RANBP2: variants seen among roughly 807,000 people sequenced by gnomAD.
RANBP2 encodes the protein E3 SUMO-protein ligase RanBP2.
A neutral mutation model predicts 303.6 loss-of-function variants in RANBP2; 57 were observed. The ratio of observed to expected loss-of-function variants is 0.19; its 90% CI spans 0.15 to 0.23. The LOEUF (loss-of-function observed/expected upper bound fraction) is 0.23. RANBP2 is among the 10% of genes least tolerant of loss of function. The pLI, the probability that RANBP2 is intolerant of heterozygous loss-of-function variation, is 1.00. For missense variants in RANBP2, 3,138 were observed against 3,780.8 expected (o/e 0.83, Z 4.46); for synonymous variants, 1,167 against 1,301.5 (o/e 0.90, Z 2.23).
At chr2:108,731,033 A>G in intron 3 of RANBP2, 148 bp downstream of exon 3, 1 of 1,095,666 alleles carries the variant, frequency 9.1e-7, no homozygotes, top group Non-Finnish European at 1.3e-6. Flanking sequence ...CTTGGAACAG[A>G]TTTAGAATTG....
chr2:109,289,691 C>A, the RANBP2 span, among the ~76,000 whole-genome samples: 1 of 152,066 alleles, frequency 6.6e-6, no homozygotes, highest in Admixed American at 6.6e-5. Context: ...CACTTCATAG[C>A]ATAGAAGATG....
the RANBP2 span, among the ~76,000 whole-genome samples, chr2:109,304,488 C>T: frequency 2.0e-5 from 3 of 152,160 alleles, no homozygotes; most frequent in Non-Finnish European, 4.4e-5. Context: ...GTCTCTGGAC[C>T]TGCTTCCTGA....
At chr2:109,596,843 G>A in the RANBP2 span, among the ~76,000 whole-genome samples, 7 of 152,110 alleles carry the variant, frequency 4.6e-5, no homozygotes, top group African/African-American at 1.4e-4. Flanking sequence ...AAAGTAATAT[G>A]AATAATTATT....
chr2:109,037,887 T>A, the RANBP2 span, among the ~76,000 whole-genome samples: 1 of 152,224 alleles, frequency 6.6e-6, no homozygotes, highest in African/African-American at 2.4e-5. Flanking sequence ...CCAGATTGAT[T>A]AATAAGTTTA....
the RANBP2 span, among the ~76,000 whole-genome samples, chr2:109,436,633 T>G: frequency 3.3e-5 from 5 of 152,246 alleles, no homozygotes; most frequent in African/African-American, 1.2e-4. Context: ...TATAAAAGAT[T>G]TCGTTCAGCT....
chr2:108,786,733 G>A, downstream of RANBP2: 1 of 1,233,612 alleles, frequency 8.1e-7, no homozygotes, highest in Non-Finnish European at 1.2e-6. Flanking sequence ...GGGGGGCGGG[G>A]TCTGGCACGT....
At chr2:109,099,845 A>G in the RANBP2 span, among the ~76,000 whole-genome samples, 1 of 151,924 alleles carries the variant, frequency 6.6e-6, no homozygotes, top group African/African-American at 2.4e-5. Context: ...TCATCCTCTT[A>G]AGTACTGGGG....
chr2:109,424,365 C>A, the RANBP2 span, among the ~76,000 whole-genome samples: 1 of 152,348 alleles, frequency 6.6e-6, no homozygotes, highest in South Asian at 2.1e-4. Context: ...GGGACCCAGG[C>A]TGGGCATCCC....
intron 1 of RANBP2, 86 bp downstream of exon 1, chr2:108,719,764 G>A (rs2149046358): frequency 1.3e-6 from 2 of 1,539,652 alleles, no homozygotes; most frequent in East Asian, 2.5e-5. Context: ...CCCGACGGGC[G>A]CTGCTCCCTG....
chr2:109,629,691 G>A, the RANBP2 span, among the ~76,000 whole-genome samples: 1 of 151,340 alleles, frequency 6.6e-6, no homozygotes, highest in African/African-American at 2.4e-5. Flanking sequence ...CATACCTGTC[G>A]TCCCAGCTAC....
At chr2:109,760,510 G>A in the RANBP2 span, 1 of 953,236 alleles carries the variant, frequency 1.0e-6, no homozygotes, top group Admixed American at 6.8e-5. Context: ...AAGCCGGGGA[G>A]CGGGTGAGTG....
At chr2:108,733,254 T>TC (rs1695318863) in intron 4 of RANBP2, among the ~76,000 whole-genome samples, 1 of 143,008 alleles carries the variant, frequency 7.0e-6, no homozygotes, top group Admixed American at 7.1e-5. Context: ...ATTTAACCAT[T>TC]CCCTTTTTTT....
chr2:109,575,751 T>A, the RANBP2 span, among the ~76,000 whole-genome samples: 1 of 152,218 alleles, frequency 6.6e-6, no homozygotes, highest in Non-Finnish European at 1.5e-5. Flanking sequence ...TTTGTAATTA[T>A]CTTTCTAGCC....
chr2:108,752,006 A>G lies in RANBP2; in HGVS notation c.1755+12A>G. The G allele has an allele frequency of 6.2e-7, 1 of 1,611,586 alleles. No homozygotes were observed. Among genetic ancestry groups the G allele is most frequent in the Non-Finnish European group, 8.5e-7 (1 of 1,179,782 alleles). On this transcript the variant is annotated intron_variant, in intron 12 of 28. Coordinates refer to ENST00000283195, the MANE Select transcript of RANBP2 (RefSeq NM_006267.5). ...GCCTTCAGAAAACGGTGAGTTTTAAAGTATAAGCATTTTTAAAGAACATTA... is the reference window on the plus strand; with the variant it reads ...GCCTTCAGAAAACGGTGAGTTTTAAGGTATAAGCATTTTTAAAGAACATTA...
chr2:108,782,925 A>G, intron 28 of RANBP2, 63 bp downstream of exon 28: 1 of 1,430,214 alleles, frequency 7.0e-7, no homozygotes, highest in Non-Finnish European at 9.7e-7. Flanking sequence ...CTAATGGGAA[A>G]TTTGAGTGTT....
chr2:109,078,145 T>C, the RANBP2 span, among the ~76,000 whole-genome samples: 2 of 132,666 alleles, frequency 1.5e-5, 1 homozygote, highest in Admixed American at 1.5e-4. Flanking sequence ...AGCGTGTATA[T>C]ATATAGCATG....
chr2:108,741,668 G>C (rs1696104013), intron 7 of RANBP2, among the ~76,000 whole-genome samples: 1 of 150,312 alleles, frequency 6.7e-6, no homozygotes. Context: ...AGCATGCCCA[G>C]CTAATTTTTT....
At chr2:108,973,163 T>A in the RANBP2 span, among the ~76,000 whole-genome samples, 1 of 152,160 alleles carries the variant, frequency 6.6e-6, no homozygotes, top group Non-Finnish European at 1.5e-5. Context: ...ATTTTTTGTA[T>A]TTTTAGTAGA....
At chr2:109,368,580 T>A in the RANBP2 span, among the ~76,000 whole-genome samples, 5 of 152,042 alleles carry the variant, frequency 3.3e-5, no homozygotes, top group African/African-American at 1.2e-4. Flanking sequence ...TTGCTTCTAA[T>A]TTTTCTAGGT....
Sources: allele counts gnomAD v4.1 joint callset (sites outside exome capture counted in the v4.1 genomes callset), GRCh38; gene constraint gnomAD v4.1.1; transcripts MANE v1.5; gene names NCBI Gene and HGNC (gene_info 2026-07-23, HGNC 2026-07-21).